The following ITGB7 variants were observed in gnomAD, a reference collection of about 807,000 sequenced individuals.
ITGB7 encodes integrin beta-7.
ITGB7 carries 55 observed loss-of-function variants against 83.4 expected under a neutral mutation model. That is an observed-to-expected ratio of 0.66 (90% CI 0.53 to 0.83). The LOEUF is 0.83. ITGB7 is among the 40% of genes least tolerant of loss of function. The pLI is 0.00. For synonymous variants in ITGB7, 454 were observed against 423.6 expected (o/e 1.07, Z -0.88); for missense variants, 921 against 1,046.7 (o/e 0.88, Z 1.66).
chr12:53,200,471 A>G (rs756552622), intron 2 of ITGB7, 25 bp from the exon 3 acceptor site: 17 of 1,601,940 alleles, frequency 1.1e-5, no homozygotes, highest in African/African-American at 6.7e-5. Context: ...AAAGGGGGAC[A>G]TGTGGGTCCT....
Position 53,193,124 on chromosome 12 carries a change from C to T in ITGB7, c.1726+16G>A. 1 of 1,595,128 alleles carries T rather than the reference C, an allele frequency of 6.3e-7. No homozygotes were observed. Among genetic ancestry groups the T allele is most frequent in the Non-Finnish European group, 8.6e-7 (1 of 1,166,026 alleles). On this transcript the variant is annotated intron_variant, in intron 12 of 15. Coordinates refer to ENST00000267082, the MANE Select transcript of ITGB7 (RefSeq NM_000889.3). ...GGCCTCTCAGACCCCGCCCTTCTCC[C>T]CAAGGCTCCAGGTACCTCCGCAGAG...
At chr12:53,197,726 C>T in intron 4 of ITGB7, 24 bp downstream of exon 4, 2 of 1,586,066 alleles carry the variant, frequency 1.3e-6, no homozygotes, top group Non-Finnish European at 1.7e-6. Context: ...GACCTCTGGC[C>T]TGGCCCCGCC....
In ITGB7 at chr12:53,197,679, C is replaced by T. The variant is rs1462049011; in HGVS notation, c.404-16G>A. On this transcript the variant is annotated splice_polypyrimidine_tract_variant and intron_variant, in intron 4 of 15. Transcript: ENST00000267082. ...TGGGGCTCCCCTAGGGGGTGGGCGG[C>T]GGGCGGGTCAGCAGAGCGCATTGGA... 1.9e-6 allele frequency: 3 copies of T among 1,611,256 alleles called. No individual in the cohort carries two copies. The highest frequency in any genetic ancestry group is 1.7e-4 in the Middle Eastern group (1 of 6,050).
chr12:53,202,568 T>G (rs1592412647), intron 1 of ITGB7, among the ~76,000 whole-genome samples: 1 of 150,290 alleles, frequency 6.7e-6, no homozygotes, highest in African/African-American at 2.4e-5. Context: ...TTGGCCGGGC[T>G]GGTCTCAAAC....
At chr12:53,194,437 G>T in intron 9 of ITGB7, 93 bp from the exon 10 acceptor site, 2 of 1,332,288 alleles carry the variant, frequency 1.5e-6, no homozygotes, top group Non-Finnish European at 2.1e-6. Context: ...AATTCTGCCA[G>T]CACCCTGCCC....
intron 14 of ITGB7, 83 bp from the exon 15 acceptor site, chr12:53,192,102 C>A (rs540989020): frequency 6.7e-7 from 1 of 1,491,042 alleles, no homozygotes; most frequent in Admixed American, 2.1e-5. Flanking sequence ...TCCAGCCTGT[C>A]CAACCCTGTC....
At position 53,193,231 on chromosome 12, in the gene ITGB7, A is replaced by G. The variant is rs1942031920; in HGVS notation, c.1635T>C (p.Cys545=). ...TCTGTCCACTGCAGCTGCAGCGTCC[A>G]CATTGACAGTGACCCTTTCCACTGC... The part of the protein sequence containing the change: ...PLCSGKGHCQ[C]GRCSCSGQSS... The change falls in exon 12 of 16, where the codon TGT becomes TGC. Residue 545 remains cysteine, a synonymous_variant. Transcript: ENST00000267082. 6.2e-7 allele frequency: 1 copy of G among 1,614,166 alleles called. No homozygotes were observed. Among genetic ancestry groups the G allele is most frequent in the South Asian group, 1.1e-5 (1 of 91,086 alleles).
At chr12:53,202,772 C>T (rs1284201949) in intron 1 of ITGB7, among the ~76,000 whole-genome samples, 2 of 151,920 alleles carry the variant, frequency 1.3e-5, no homozygotes, top group African/African-American at 4.8e-5. Context: ...ACCAGCCTGG[C>T]TAACATAGTG....
At chr12:53,204,145 C>T (rs571191959) in intron 1 of ITGB7, among the ~76,000 whole-genome samples, 106 of 151,992 alleles carry the variant, frequency 7.0e-4, no homozygotes, top group African/African-American at 2.1e-3. Flanking sequence ...TTTGGGAGGC[C>T]GAGGCGGGTG....
At chr12:53,206,484 TCC>T (rs1016907339) in intron 1 of ITGB7, among the ~76,000 whole-genome samples, 9 of 152,272 alleles carry the variant, frequency 5.9e-5, no homozygotes, top group Admixed American at 3.3e-4. Context: ...TTGTGTTCTC[TCC>T]CCACTAGCCC....
intron 3 of ITGB7, among the ~76,000 whole-genome samples, chr12:53,199,005 CCT>C (rs1055420142): frequency 3.9e-5 from 6 of 152,226 alleles, no homozygotes; most frequent in African/African-American, 7.2e-5. Flanking sequence ...GGCACCTCTG[CCT>C]CTCTGCCTTG....
In ITGB7 at chr12:53,200,298, G is replaced by A. The variant is rs769909886; in HGVS notation, c.146C>T (p.Pro49Leu). ...TGAGAGGATGCACTTCTGGCAGGAG[G>A]GGGCTGGCTGGCAGGACCCCAGCAT... ...LSMLGSCQPA[P>L]SCQKCILSHP... The change falls in exon 3 of 16, where the codon CCC (proline) becomes CTC (leucine). Residue 49 changes from proline to leucine, a missense_variant. Physicochemically the swap from Pro to Leu is moderately conservative, Grantham distance 98. Transcript: ENST00000267082. 6.2e-7 allele frequency: 1 copy of A among 1,614,190 alleles called. No individual in the cohort carries two copies. Among genetic ancestry groups the A allele is most frequent in the South Asian group, 1.1e-5 (1 of 91,088 alleles).
At chr12:53,194,410 C>T in intron 9 of ITGB7, 66 bp from the exon 10 acceptor site, 2 of 1,526,088 alleles carry the variant, frequency 1.3e-6, no homozygotes, top group South Asian at 1.2e-5. Flanking sequence ...CACCTTATGT[C>T]CTCTCCAGGT....
Position 53,197,508 on chromosome 12 carries a change from G to A in ITGB7, c.559C>T (p.His187Tyr). 6.2e-7 allele frequency: 1 copy of A among 1,614,172 alleles called. No homozygotes were observed. The highest frequency in any genetic ancestry group is 8.5e-7 in the Non-Finnish European group (1 of 1,180,008). Reference protein sequence around the residue: ...ALLVRLQEVTHSVRIGFGSFV... With the variant: ...ALLVRLQEVTYSVRIGFGSFV... ...CTCGGCTCACCAATGCGCACAGAAT[G>A]GGTGACTTCCTGCAGCCGGACCAGC... The change falls in exon 5 of 16, where the codon CAT becomes TAT. Residue 187 changes from histidine to tyrosine, a missense_variant. Coordinates refer to ENST00000267082, the MANE Select transcript of ITGB7 (RefSeq NM_000889.3).
At chr12:53,196,535 C>T in intron 6 of ITGB7, 44 bp downstream of exon 6, 1 of 1,579,322 alleles carries the variant, frequency 6.3e-7, no homozygotes, top group Non-Finnish European at 8.6e-7. Flanking sequence ...CAGTCCTGTT[C>T]CCAAACAGAC....
At chr12:53,199,629 C>T (rs184996450) in intron 3 of ITGB7, among the ~76,000 whole-genome samples, 1 of 151,230 alleles carries the variant, frequency 6.6e-6, no homozygotes, top group East Asian at 2.0e-4. Flanking sequence ...AGGGTGGAAC[C>T]CTCATGATGG....
chr12:53,200,042 T>C (rs978324949), intron 3 of ITGB7, among the ~76,000 whole-genome samples: 1 of 152,154 alleles, frequency 6.6e-6, no homozygotes, highest in Non-Finnish European at 1.5e-5. Flanking sequence ...CACAAGAAAC[T>C]TGCATGCATG....
At chr12:53,192,100 G>T in intron 14 of ITGB7, 81 bp from the exon 15 acceptor site, 1 of 1,488,710 alleles carries the variant, frequency 6.7e-7, no homozygotes, top group Non-Finnish European at 9.1e-7. Context: ...TGTCCAGCCT[G>T]TCCAACCCTG....
chr12:53,192,237 C>T (rs1330911802), intron 14 of ITGB7, 93 bp downstream of exon 14: 3 of 1,390,440 alleles, frequency 2.2e-6, no homozygotes, highest in Non-Finnish European at 3.0e-6. Context: ...GCTTCAGCCC[C>T]CAGCCTGTTT....
Sources: gnomAD v4.1 joint callset for allele counts (sites outside exome capture counted in the v4.1 genomes callset) on GRCh38, gnomAD v4.1.1 for gene constraint, MANE v1.5 for transcripts, NCBI Gene and HGNC (gene_info 2026-07-23, HGNC 2026-07-21) for gene names.